Variants in KCNK2 observed in about 807,000 individuals in gnomAD.
KCNK2 encodes potassium two pore domain channel subfamily K member 2.
A neutral mutation model predicts 40.5 loss-of-function variants in KCNK2; 21 were observed. That is an observed-to-expected ratio of 0.52 (90% CI 0.37 to 0.75). The LOEUF (loss-of-function observed/expected upper bound fraction) is 0.75, where lower values mean the gene tolerates loss of function less well. KCNK2 is among the 30% of genes least tolerant of loss of function. The probability of loss-of-function intolerance (pLI) is 0.00; values close to 1 mark genes in which losing one functional copy is unlikely to be tolerated. For synonymous variants in KCNK2, 191 were observed against 202.2 expected, an observed-to-expected ratio of 0.94 and a Z score of 0.47; for missense variants, 399 against 531.6, an observed-to-expected ratio of 0.75 and a Z score of 2.45.
At position 215,019,359 on chromosome 1, in the gene KCNK2, G is replaced by C. The variant is rs573924516; in HGVS notation, c.34+13404G>C. ...GTTTCTTACTGAGCTCACATATAAA[G>C]AAAAAAACCTGTTTGTATGTAAAAA... On this transcript the variant is annotated intron_variant, in intron 1 of 6. Coordinates refer to the KCNK2 transcript ENST00000391895. 1.2e-3 allele frequency among the ~76,000 whole-genome samples: 183 copies of C among 152,202 alleles called. 1 individual carries two copies. The highest frequency in any genetic ancestry group is 4.2e-3 in the African/African-American group (173 of 41,528).
intron 3 of KCNK2, among the ~76,000 whole-genome samples, chr1:215,165,794 A>G (rs6672978): frequency 0.57 from 86,260 of 151,566 alleles, 26,393 homozygotes; most frequent in Non-Finnish European, 0.68. Context: ...TCTTTCAATC[A>G]GTTAATTTTA....
At chr1:215,154,528 G>A (rs1235789986) in intron 3 of KCNK2, among the ~76,000 whole-genome samples, 2 of 151,960 alleles carry the variant, frequency 1.3e-5, no homozygotes, top group Non-Finnish European at 1.5e-5. Context: ...CATTCTGTAG[G>A]TTGCTTGTTC....
At chr1:215,083,968 GATC>G (rs1424810993) in intron 1 of KCNK2, among the ~76,000 whole-genome samples, 1 of 152,136 alleles carries the variant, frequency 6.6e-6, no homozygotes, top group Non-Finnish European at 1.5e-5. Context: ...TTCTCTCCCT[GATC>G]ATACATCAAA....
At chr1:215,162,613 G>A (rs1320585374) in intron 3 of KCNK2, among the ~76,000 whole-genome samples, 1 of 152,110 alleles carries the variant, frequency 6.6e-6, no homozygotes, top group Non-Finnish European at 1.5e-5. Context: ...TGTAAAGAAG[G>A]GGTCCAGTTT....
chr1:215,099,316 C>A (rs1277017403), intron 2 of KCNK2, among the ~76,000 whole-genome samples: 1 of 151,934 alleles, frequency 6.6e-6, no homozygotes, highest in African/African-American at 2.4e-5. Flanking sequence ...CCTCTAACTT[C>A]ATCCATGTCC....
chr1:215,110,063 G>T (rs1244297951), intron 2 of KCNK2, among the ~76,000 whole-genome samples: 1 of 151,894 alleles, frequency 6.6e-6, no homozygotes, highest in Admixed American at 6.6e-5. Context: ...TTTTTAATGG[G>T]ATTATTTAGT....
At position 215,046,546 on chromosome 1, in the gene KCNK2, C is replaced by T. The variant is rs567789699; in HGVS notation, c.35-39822C>T. On this transcript the variant is annotated intron_variant, in intron 1 of 6. Coordinates refer to the KCNK2 transcript ENST00000391895. Reference sequence around the variant, plus strand: ...CTCACAGGCCAAAAACTACATATAGCACAGTTAGGAGAAGGCTGTTGTTAG... The same window carrying T: ...CTCACAGGCCAAAAACTACATATAGTACAGTTAGGAGAAGGCTGTTGTTAG... Among the ~76,000 whole-genome samples the T allele has an allele frequency of 2.2e-4, 34 of 152,058 alleles. No individual in the cohort carries two copies. In the South Asian group the frequency reaches 6.7e-3, roughly 30 times the overall value.
intron 5 of KCNK2, among the ~76,000 whole-genome samples, chr1:215,193,575 C>T (rs1664751456): frequency 6.6e-6 from 1 of 152,056 alleles, no homozygotes; most frequent in Non-Finnish European, 1.5e-5. Flanking sequence ...TGTAAAATGA[C>T]TCTTCTTGCC....
intron 3 of KCNK2, among the ~76,000 whole-genome samples, chr1:215,151,173 A>T (rs1662670581): frequency 6.6e-6 from 1 of 152,090 alleles, no homozygotes; most frequent in Non-Finnish European, 1.5e-5. Flanking sequence ...GTGTCTAGAG[A>T]AAAAAATATT....
At chr1:215,194,637 A>T (rs1664790905) in intron 5 of KCNK2, among the ~76,000 whole-genome samples, 1 of 152,232 alleles carries the variant, frequency 6.6e-6, no homozygotes, top group African/African-American at 2.4e-5. Context: ...GAAACTTAGT[A>T]CACATAGAAT....
At chr1:215,081,127 CT>C (rs1432209714), upstream of KCNK2, among the ~76,000 whole-genome samples, 1 of 151,518 alleles carries the variant, frequency 6.6e-6, no homozygotes, top group Non-Finnish European at 1.5e-5. Flanking sequence ...GAGCCAATTC[CT>C]TAAAATAAAT....
At chr1:215,009,148 T>G (rs932567430) in intron 1 of KCNK2, among the ~76,000 whole-genome samples, 7 of 152,174 alleles carry the variant, frequency 4.6e-5, no homozygotes, top group African/African-American at 1.7e-4. Flanking sequence ...TATCCTATAG[T>G]AGCTTTCTAT....
rs1156735557 is a variant in KCNK2, at chr1:215,174,116, AG to A, written c.823+1934del. Among the ~76,000 whole-genome samples the A allele has an allele frequency of 5.3e-5, 8 of 152,152 alleles. No homozygotes were observed. The East Asian group carries it at 1.5e-3, about 29-fold the overall frequency. The stretch of plus-strand genomic sequence containing the variant: ...TTTACAGTTTTAGGTCTAACATTTA[AG>A]TCTTTAATCCATCTTGAATTAATTT... On this transcript the variant is annotated intron_variant, in intron 5 of 6. Coordinates refer to ENST00000444842, the MANE Select transcript of KCNK2 (RefSeq NM_001017425.3).
At chr1:215,066,203 G>A (rs1007395549) in intron 1 of KCNK2, among the ~76,000 whole-genome samples, 7 of 152,070 alleles carry the variant, frequency 4.6e-5, no homozygotes, top group South Asian at 4.2e-4. Context: ...ACTATGGCAC[G>A]TGTATACCTA....
chr1:215,093,719 TAAAA>T (rs1406101656), intron 2 of KCNK2, among the ~76,000 whole-genome samples: 3 of 90,390 alleles, frequency 3.3e-5, no homozygotes, highest in Non-Finnish European at 5.9e-5. Context: ...ATATATTATA[TAAAA>T]ATATATAATA....
upstream of KCNK2, among the ~76,000 whole-genome samples, chr1:215,082,621 C>T (rs1488947880): frequency 6.6e-6 from 1 of 151,882 alleles, no homozygotes; most frequent in Non-Finnish European, 1.5e-5. Flanking sequence ...TAGAAGGGAG[C>T]ATCTTGCAGG....
At position 215,056,770 on chromosome 1, in the gene KCNK2, C is replaced by T. The variant is rs375424872; in HGVS notation, c.35-29598C>T. 2.6e-5 allele frequency among the ~76,000 whole-genome samples: 4 copies of T among 151,772 alleles called. No individual in the cohort carries two copies. In the South Asian group the frequency reaches 6.3e-4, roughly 24 times the overall value. On this transcript the variant is annotated intron_variant, in intron 1 of 6. Coordinates refer to the KCNK2 transcript ENST00000391895. ...CACATCCAGTCATCCACTCTATTTT[C>T]GAGGCAGGATGTACATGGGGTAAAA...
At chr1:215,126,058 T>C (rs1661422505) in intron 3 of KCNK2, among the ~76,000 whole-genome samples, 1 of 152,128 alleles carries the variant, frequency 6.6e-6, no homozygotes, top group Non-Finnish European at 1.5e-5. Context: ...AAAGTTTTAA[T>C]CTTATTTTTT....
chr1:215,089,836 TTTA>T lies in KCNK2; in HGVS notation c.357+3161_357+3163del, dbSNP rs202011615. Among the ~76,000 whole-genome samples the T allele has an allele frequency of 4.6e-4, 30 of 65,676 alleles. 4 individuals are homozygous for T. Among genetic ancestry groups the T allele is most frequent in the Non-Finnish European group, 6.4e-4 (18 of 28,318 alleles). The allele number at this position is 65,676 out of a possible 152,430, so 43.1% of individuals were successfully genotyped here. ...TCAGGTTTCTTTTTCTTTTTTTTTT[TTTA>T]TTTTGAAACAGAGTTTCGCTCTTGT... On this transcript the variant is annotated intron_variant, in intron 2 of 6. Transcript: ENST00000444842.
Sources: allele counts gnomAD v4.1 joint callset (sites outside exome capture counted in the v4.1 genomes callset), GRCh38; gene constraint gnomAD v4.1.1; transcripts MANE v1.5; gene names NCBI Gene and HGNC (gene_info 2026-07-23, HGNC 2026-07-21).